STX8: variants seen among roughly 807,000 people sequenced by gnomAD.
STX8 encodes syntaxin-8.
In STX8, 23 loss-of-function variants were observed where a neutral mutation model predicts 37.5. That is an observed-to-expected ratio of 0.61 (90% confidence interval 0.44 to 0.87). The LOEUF (loss-of-function observed/expected upper bound fraction) is 0.87. STX8 is among the 40% of genes least tolerant of loss of function. The probability of loss-of-function intolerance (pLI) is 0.00; values close to 1 mark genes in which losing one functional copy is unlikely to be tolerated. For synonymous variants in STX8, 115 were observed against 99.1 expected, an observed-to-expected ratio of 1.16 and a Z score of -0.95; for missense variants, 313 against 284.7, an observed-to-expected ratio of 1.10 and a Z score of -0.71.
intron 7 of STX8, among the ~76,000 whole-genome samples, chr17:9,375,364 T>C (rs1172961571): frequency 6.6e-6 from 1 of 152,206 alleles, no homozygotes; most frequent in Admixed American, 6.5e-5. Flanking sequence ...GTAAAAATAC[T>C]ACACACCAGA....
intron 4 of STX8, among the ~76,000 whole-genome samples, chr17:9,537,651 C>A (rs1041071175): frequency 6.6e-6 from 1 of 152,140 alleles, no homozygotes; most frequent in Non-Finnish European, 1.5e-5. Context: ...CTGGATGTTA[C>A]GGAAGATACA....
rs567692971 is a variant in STX8, at chr17:9,361,537, C to T, written c.643+17015G>A. Among the ~76,000 whole-genome samples, 181 of 152,256 alleles carry T rather than the reference C, an allele frequency of 1.2e-3. 2 individuals are homozygous for T. Among genetic ancestry groups the T allele is most frequent in the Non-Finnish European group, 2.1e-3 (141 of 68,014 alleles). On this transcript the variant is annotated intron_variant, in intron 7 of 7. Coordinates refer to ENST00000306357, the MANE Select transcript of STX8 (RefSeq NM_004853.3). ...AGCAGCAGGAGTAGGGATTTACTCA[C>T]GGACAGAACAATCAATGTGGCCAAC...
chr17:9,433,569 C>T (rs934650143), intron 6 of STX8, among the ~76,000 whole-genome samples: 1 of 152,140 alleles, frequency 6.6e-6, no homozygotes, highest in Non-Finnish European at 1.5e-5. Flanking sequence ...GGATGTACAC[C>T]TATCTCCAAA....
At chr17:9,281,174 G>C (rs989694204) in intron 7 of STX8, among the ~76,000 whole-genome samples, 3 of 152,196 alleles carry the variant, frequency 2.0e-5, no homozygotes, top group African/African-American at 7.2e-5. Context: ...ACAGGAAGGC[G>C]ATGCAGGAAG....
intron 6 of STX8, among the ~76,000 whole-genome samples, chr17:9,456,348 C>T (rs1379213059): frequency 6.6e-6 from 1 of 152,162 alleles, no homozygotes; most frequent in Non-Finnish European, 1.5e-5. Flanking sequence ...AACCCAGAGG[C>T]AGTGAAGAAA....
At chr17:9,485,593 T>C (rs1202165926) in intron 6 of STX8, among the ~76,000 whole-genome samples, 1 of 102,000 alleles carries the variant, frequency 9.8e-6, no homozygotes, top group Non-Finnish European at 1.9e-5. Flanking sequence ...GTTTTTTGGT[T>C]TTTTTTTTTT....
chr17:9,345,663 G>T (rs1910506278), intron 7 of STX8, among the ~76,000 whole-genome samples: 1 of 148,860 alleles, frequency 6.7e-6, no homozygotes, highest in South Asian at 2.2e-4. Context: ...ATTATATCAA[G>T]TTAGTTAACA....
chr17:9,519,641 C>T (rs1905266930), intron 4 of STX8, among the ~76,000 whole-genome samples: 1 of 152,144 alleles, frequency 6.6e-6, no homozygotes, highest in Admixed American at 6.5e-5. Flanking sequence ...ACTTCCCTGA[C>T]TCCCCAGAAG....
At chr17:9,490,837 C>G (rs752806485) in intron 6 of STX8, among the ~76,000 whole-genome samples, 2 of 152,186 alleles carry the variant, frequency 1.3e-5, no homozygotes, top group Non-Finnish European at 2.9e-5. Context: ...GAGTTTAGCT[C>G]TGTCACTCAT....
intron 4 of STX8, among the ~76,000 whole-genome samples, chr17:9,541,878 A>G (rs1407555365): frequency 6.6e-6 from 1 of 152,230 alleles, no homozygotes; most frequent in Non-Finnish European, 1.5e-5. Context: ...ACACTGTGAC[A>G]TAGAGCAGTC....
intron 6 of STX8, among the ~76,000 whole-genome samples, chr17:9,464,548 C>T (rs1194521618): frequency 6.6e-6 from 1 of 152,142 alleles, no homozygotes; most frequent in Non-Finnish European, 1.5e-5. Flanking sequence ...TACTTAAACA[C>T]TGAGATTTCT....
At chr17:9,336,129 T>A (rs1307166969) in intron 7 of STX8, among the ~76,000 whole-genome samples, 1 of 152,192 alleles carries the variant, frequency 6.6e-6, no homozygotes, top group East Asian at 1.9e-4. Context: ...CAGCTGTGAA[T>A]TAGCATTTCA....
At chr17:9,484,663 A>G (rs1906505032) in intron 6 of STX8, among the ~76,000 whole-genome samples, 1 of 147,880 alleles carries the variant, frequency 6.8e-6, no homozygotes, top group Non-Finnish European at 1.5e-5. Context: ...TAAAAATACA[A>G]AAAAAAAAAA....
chr17:9,255,792 G>A (rs1013518168), intron 7 of STX8, among the ~76,000 whole-genome samples: 6 of 152,166 alleles, frequency 3.9e-5, no homozygotes, highest in Non-Finnish European at 5.9e-5. Context: ...TGAGGAGGTC[G>A]TTTTAAGATG....
intron 7 of STX8, among the ~76,000 whole-genome samples, chr17:9,349,321 T>TC (rs1910628006): frequency 1.4e-5 from 2 of 144,546 alleles, no homozygotes; most frequent in Non-Finnish European, 3.0e-5. Flanking sequence ...CTTTTCTTTT[T>TC]TTTTTTTTTT....
chr17:9,437,729 G>C (rs1360810770), intron 6 of STX8: 1 of 152,130 alleles, frequency 6.6e-6, no homozygotes, highest in Non-Finnish European at 1.5e-5. Flanking sequence ...TCAGTGTCTG[G>C]CTTGCTAATT....
intron 7 of STX8, among the ~76,000 whole-genome samples, chr17:9,302,526 T>G (rs1305902815): frequency 5.5e-4 from 84 of 152,320 alleles, no homozygotes; most frequent in Non-Finnish European, 2.8e-4. Flanking sequence ...AATTCATAAC[T>G]GTGCTTAAAT....
chr17:9,472,312 C>G (rs1567575322), intron 6 of STX8, among the ~76,000 whole-genome samples: 1 of 152,174 alleles, frequency 6.6e-6, no homozygotes, highest in Non-Finnish European at 1.5e-5. Flanking sequence ...TTATCCACGT[C>G]CATGAGTAAA....
intron 6 of STX8, among the ~76,000 whole-genome samples, chr17:9,465,286 A>T (rs984774355): frequency 2.6e-4 from 39 of 152,146 alleles, no homozygotes; most frequent in African/African-American, 8.9e-4. Context: ...AAGAACAAAG[A>T]TGCTAAAATA....
Sources: allele counts gnomAD v4.1 joint callset (sites outside exome capture counted in the v4.1 genomes callset), GRCh38; gene constraint gnomAD v4.1.1; transcripts MANE v1.5; gene names NCBI Gene and HGNC (gene_info 2026-07-23, HGNC 2026-07-21).